The following NUDCD1 variants were observed in gnomAD, a reference collection of about 807,000 sequenced individuals.
NUDCD1 encodes the protein nudC domain-containing protein 1.
In NUDCD1, 60 loss-of-function variants were observed where a neutral mutation model predicts 67.8. The ratio of observed to expected loss-of-function variants is 0.88; its 90% CI spans 0.72 to 1.10. NUDCD1 has a LOEUF of 1.10. Ranked by LOEUF, NUDCD1 falls within the 50% of genes least tolerant of loss-of-function variation. NUDCD1 has a pLI of 0.00. For missense variants in NUDCD1, 643 were observed against 695.0 expected (o/e 0.93, Z 0.84); for synonymous variants, 244 against 230.8 (o/e 1.06, Z -0.52).
chr8:109,299,373 T>C (rs1195114522), intron 2 of NUDCD1, among the ~76,000 whole-genome samples: 1 of 152,268 alleles, frequency 6.6e-6, no homozygotes, highest in Non-Finnish European at 1.5e-5. Flanking sequence ...CAGCCCTGCT[T>C]GCCCACTACC....
chr8:109,282,868 GA>G (rs1814488732), intron 5 of NUDCD1, among the ~76,000 whole-genome samples: 1 of 148,084 alleles, frequency 6.8e-6, no homozygotes, highest in African/African-American at 2.5e-5. Flanking sequence ...ACCAGTGCAA[GA>G]ATTCTGGCAC....
chr8:109,309,473 A>T (rs1353377742), intron 2 of NUDCD1, among the ~76,000 whole-genome samples: 2 of 152,188 alleles, frequency 1.3e-5, no homozygotes, highest in Non-Finnish European at 2.9e-5. Context: ...ATGTAATAAA[A>T]GCTATCTATG....
chr8:109,250,365 A>T (rs1813595050), intron 8 of NUDCD1, among the ~76,000 whole-genome samples: 1 of 152,232 alleles, frequency 6.6e-6, no homozygotes, highest in Non-Finnish European at 1.5e-5. Flanking sequence ...CCAAACTAAG[A>T]GTGGATAAAG....
intron 1 of NUDCD1, among the ~76,000 whole-genome samples, chr8:109,333,409 T>C (rs1429556373): frequency 6.6e-6 from 1 of 152,168 alleles, no homozygotes; most frequent in Non-Finnish European, 1.5e-5. Flanking sequence ...TGCCAGGAAC[T>C]GAGTAATTAA....
intron 2 of NUDCD1, among the ~76,000 whole-genome samples, chr8:109,313,563 G>C (rs1189037927): frequency 6.6e-6 from 1 of 152,084 alleles, no homozygotes; most frequent in Non-Finnish European, 1.5e-5. Context: ...TTAAGACTGA[G>C]CAACTTGTGT....
intron 1 of NUDCD1, among the ~76,000 whole-genome samples, chr8:109,326,090 A>C (rs1815675456): frequency 6.6e-6 from 1 of 152,230 alleles, no homozygotes; most frequent in South Asian, 2.1e-4. Context: ...CTGAAGCAGT[A>C]ATATTAGACA....
At chr8:109,254,841 T>A (rs997293157) in intron 8 of NUDCD1, among the ~76,000 whole-genome samples, 2 of 152,178 alleles carry the variant, frequency 1.3e-5, no homozygotes, top group African/African-American at 4.8e-5. Flanking sequence ...ACTCAGAAGG[T>A]ATGTATTGGG....
intron 3 of NUDCD1, 96 bp downstream of exon 3, chr8:109,296,288 A>C: frequency 1.0e-6 from 1 of 967,540 alleles, no homozygotes; most frequent in Non-Finnish European, 1.6e-6. Context: ...AACAGATCAC[A>C]TGTAAACCAT....
chr8:109,267,801 GT>G (rs2129938355), intron 8 of NUDCD1, among the ~76,000 whole-genome samples: 1 of 152,252 alleles, frequency 6.6e-6, no homozygotes, highest in East Asian at 1.9e-4. Flanking sequence ...TATTTCTTAA[GT>G]TACTGAGGAT....
chr8:109,245,207 A>C, intron 9 of NUDCD1, 115 bp downstream of exon 9: 1 of 966,324 alleles, frequency 1.0e-6, no homozygotes, highest in Non-Finnish European at 1.5e-6. Context: ...AGCGCAAATC[A>C]ATCTAAATGT....
intron 2 of NUDCD1, among the ~76,000 whole-genome samples, chr8:109,299,478 T>C (rs926392051): frequency 6.6e-6 from 1 of 152,012 alleles, no homozygotes; most frequent in Non-Finnish European, 1.5e-5. Flanking sequence ...TAACTGCTGG[T>C]TCTCCCCCAC....
chr8:109,251,000 T>C (rs1563658633), intron 8 of NUDCD1, among the ~76,000 whole-genome samples: 1 of 152,170 alleles, frequency 6.6e-6, no homozygotes, highest in African/African-American at 2.4e-5. Flanking sequence ...TGGAAAGTGT[T>C]CCTTTCTCTT....
At chr8:109,314,735 A>G (rs138506070) in intron 2 of NUDCD1, among the ~76,000 whole-genome samples, 2 of 152,246 alleles carry the variant, frequency 1.3e-5, no homozygotes, top group African/African-American at 4.8e-5. Context: ...ATATAGATGT[A>G]ATATAAAAAT....
intron 2 of NUDCD1, among the ~76,000 whole-genome samples, chr8:109,301,429 G>A (rs1353652724): frequency 6.6e-6 from 1 of 152,194 alleles, no homozygotes; most frequent in Non-Finnish European, 1.5e-5. Context: ...CTGCACCCAG[G>A]TGAAATAAAC....
At chr8:109,272,730 G>A (rs903085725) in intron 7 of NUDCD1, among the ~76,000 whole-genome samples, 3 of 152,126 alleles carry the variant, frequency 2.0e-5, no homozygotes, top group Non-Finnish European at 4.4e-5. Flanking sequence ...ATGGATGGGA[G>A]TTCTAGAAGA....
In NUDCD1 at chr8:109,280,977, T is replaced by C. The variant is rs1814422470; in HGVS notation, c.1019A>G (p.Glu340Gly). ...DHESSTWIIK[E>G]SNSLEISLIK... Reference sequence around the variant, plus strand: ...AATTAAAAAAAAATACCTATTACTCTCTTTAATTATCCATGTACTGCTTTC... The same window carrying C: ...AATTAAAAAAAAATACCTATTACTCCCTTTAATTATCCATGTACTGCTTTC... The change falls in exon 6 of 10, where the codon GAG becomes GGG. Residue 340 changes from glutamate to glycine, a missense_variant. By Grantham distance (98) the Glu-to-Gly change is moderately conservative (BLOSUM62 -2). Coordinates refer to ENST00000239690, the MANE Select transcript of NUDCD1 (RefSeq NM_032869.4). 6.5e-7 allele frequency: 1 copy of C among 1,531,894 alleles called. No individual in the cohort carries two copies. Among genetic ancestry groups the C allele is most frequent in the African/African-American group, 1.4e-5 (1 of 73,138 alleles). The allele number at this position is 1,531,894 out of a possible 1,614,324, so 94.9% of individuals were successfully genotyped here.
At chr8:109,290,362 C>A (rs972949160) in intron 4 of NUDCD1, among the ~76,000 whole-genome samples, 2 of 152,052 alleles carry the variant, frequency 1.3e-5, no homozygotes, top group African/African-American at 4.8e-5. Flanking sequence ...TCCAACATGA[C>A]CGGCTTACTT....
chr8:109,245,304 A>G lies in NUDCD1; in HGVS notation c.1459+18T>C. ...TATTTCTGATTTCATGGAAAATGTC[A>G]AAGAGTTTGCTTTATACCTAAAGCA... On this transcript the variant is annotated intron_variant, in intron 9 of 9. Transcript: ENST00000239690. 1 of 1,591,692 alleles carries G rather than the reference A, an allele frequency of 6.3e-7. No individual in the cohort carries two copies. The highest frequency in any genetic ancestry group is 8.6e-7 in the Non-Finnish European group (1 of 1,169,470).
At chr8:109,251,079 T>C (rs986188191) in intron 8 of NUDCD1, among the ~76,000 whole-genome samples, 1 of 152,204 alleles carries the variant, frequency 6.6e-6, no homozygotes, top group African/African-American at 2.4e-5. Context: ...AGTGAAGCCA[T>C]CTGCGGCTGG....
Sources: allele counts gnomAD v4.1 joint callset (sites outside exome capture counted in the v4.1 genomes callset), GRCh38; gene constraint gnomAD v4.1.1; transcripts MANE v1.5; gene names NCBI Gene and HGNC (gene_info 2026-07-23, HGNC 2026-07-21).